Variants in DPP10 observed in about 807,000 individuals in gnomAD.
DPP10 encodes inactive dipeptidyl peptidase 10.
DPP10 carries 33 observed loss-of-function variants against 120.9 expected under a neutral mutation model. That is an observed-to-expected ratio of 0.27 (90% CI 0.21 to 0.37). The LOEUF is 0.37. Among genes scored for constraint, DPP10 ranks in the 10% least tolerant of loss-of-function variants. The pLI is 1.00. For synonymous variants in DPP10, 337 were observed against 326.1 expected, an observed-to-expected ratio of 1.03 and a Z score of -0.36; for missense variants, 816 against 942.8, an observed-to-expected ratio of 0.87 and a Z score of 1.76.
intron 5 of DPP10, among the ~76,000 whole-genome samples, chr2:115,687,059 A>G (rs1259419672): frequency 6.6e-6 from 1 of 152,112 alleles, no homozygotes; most frequent in East Asian, 1.9e-4. Context: ...ATGTTAAAAA[A>G]GAGTAGAAAT....
chr2:114,779,945 G>T (rs1311670642), intron 1 of DPP10, among the ~76,000 whole-genome samples: 1 of 152,056 alleles, frequency 6.6e-6, no homozygotes, highest in Admixed American at 6.5e-5. Context: ...GACCATCCTG[G>T]CTAACATGGT....
intron 1 of DPP10, among the ~76,000 whole-genome samples, chr2:114,555,887 T>A (rs999567805): frequency 6.6e-6 from 1 of 152,022 alleles, no homozygotes; most frequent in African/African-American, 2.4e-5. Context: ...GAACATAGTA[T>A]CCTCAAGGCA....
At position 114,997,217 on chromosome 2, in the gene DPP10, C is replaced by T. The variant is rs529695510; in HGVS notation, c.61-312022C>T. On this transcript the variant is annotated intron_variant, in intron 1 of 25. Coordinates refer to ENST00000410059, the MANE Select transcript of DPP10 (RefSeq NM_020868.6). ...GATACCAACTGTCTTGAATAAAAGT[C>T]ATAGATGCACGCCTGTAATTCCAGG... is the stretch of plus-strand genomic sequence containing the variant. 9.9e-5 allele frequency among the ~76,000 whole-genome samples: 15 copies of T among 150,884 alleles called. No individual in the cohort carries two copies. The South Asian group carries it at 2.9e-3, about 30-fold the overall frequency.
intron 1 of DPP10, among the ~76,000 whole-genome samples, chr2:114,458,705 G>A (rs1174771910): frequency 6.6e-6 from 1 of 151,950 alleles, no homozygotes; most frequent in Non-Finnish European, 1.5e-5. Context: ...TACAGTTATA[G>A]CAATTAAATG....
At chr2:114,745,342 T>TG (rs1558695581) in intron 1 of DPP10, among the ~76,000 whole-genome samples, 1 of 152,160 alleles carries the variant, frequency 6.6e-6, no homozygotes, top group Non-Finnish European at 1.5e-5. Context: ...CACAAACATA[T>TG]GCAAACAATA....
At position 114,914,065 on chromosome 2, in the gene DPP10, A is replaced by G. The variant is rs188298244; in HGVS notation, c.61-395174A>G. Among the ~76,000 whole-genome samples the G allele has an allele frequency of 1.1e-4, 16 of 152,358 alleles. No homozygotes were observed. In the East Asian group the frequency reaches 3.1e-3, roughly 29 times the overall value. ...AAAATGAACAAAACCTCTGGGAAAT[A>G]TGGGATTATGTAAAGAGACCAAATC... is the stretch of plus-strand genomic sequence containing the variant. On this transcript the variant is annotated intron_variant, in intron 1 of 25. Coordinates refer to ENST00000410059, the MANE Select transcript of DPP10 (RefSeq NM_020868.6).
At chr2:114,621,877 G>A (rs1361161745) in intron 1 of DPP10, among the ~76,000 whole-genome samples, 1 of 151,714 alleles carries the variant, frequency 6.6e-6, no homozygotes, top group African/African-American at 2.4e-5. Flanking sequence ...AGCTGGTCCA[G>A]GGATGCAAAG....
chr2:115,113,310 CTA>C (rs1245721396), intron 1 of DPP10, among the ~76,000 whole-genome samples: 6 of 151,664 alleles, frequency 4.0e-5, no homozygotes, highest in Admixed American at 2.0e-4. Context: ...TTAAATGTGT[CTA>C]TATGTGCTTT....
intron 4 of DPP10, among the ~76,000 whole-genome samples, chr2:115,508,320 C>T (rs1265844545): frequency 6.6e-6 from 1 of 152,058 alleles, no homozygotes; most frequent in African/African-American, 2.4e-5. Flanking sequence ...ACTACAACTA[C>T]AGCTGAAGAT....
chr2:114,942,172 C>G (rs1327422739), intron 1 of DPP10, among the ~76,000 whole-genome samples: 12 of 150,254 alleles, frequency 8.0e-5, no homozygotes, highest in Non-Finnish European at 4.4e-5. Flanking sequence ...ACTCGGGAGA[C>G]TAAAGCAGGA....
intron 3 of DPP10, among the ~76,000 whole-genome samples, chr2:115,444,766 A>G (rs922998279): frequency 2.6e-5 from 4 of 152,224 alleles, no homozygotes; most frequent in African/African-American, 4.8e-5. Context: ...TAGGTTTGCA[A>G]ACATATGTAC....
At chr2:115,363,666 G>A (rs1217251196) in intron 3 of DPP10, among the ~76,000 whole-genome samples, 1 of 152,170 alleles carries the variant, frequency 6.6e-6, no homozygotes, top group Non-Finnish European at 1.5e-5. Flanking sequence ...AGCATCACAG[G>A]CCTATGCTTT....
intron 1 of DPP10, among the ~76,000 whole-genome samples, chr2:114,896,655 T>C (rs1343567717): frequency 1.3e-5 from 2 of 152,244 alleles, no homozygotes; most frequent in Admixed American, 1.3e-4. Flanking sequence ...TGGGGTTTTC[T>C]AGATATACAA....
intron 1 of DPP10, among the ~76,000 whole-genome samples, chr2:114,982,222 T>C (rs556229300): frequency 3.3e-5 from 5 of 152,248 alleles, no homozygotes; most frequent in African/African-American, 7.2e-5. Context: ...GGAGATAATA[T>C]GTAAATTTAA....
intron 1 of DPP10, among the ~76,000 whole-genome samples, chr2:115,216,863 G>C (rs544334617): frequency 9.1e-4 from 137 of 151,272 alleles, no homozygotes; most frequent in Non-Finnish European, 1.6e-3. Context: ...ATGTGTATTT[G>C]GACATAGACA....
intron 5 of DPP10, among the ~76,000 whole-genome samples, chr2:115,577,247 A>C (rs768816156): frequency 2.6e-5 from 4 of 152,176 alleles, no homozygotes; most frequent in Non-Finnish European, 5.9e-5. Flanking sequence ...CTTCCTGCCT[A>C]GGGTTCCGTA....
At chr2:115,078,151 A>G (rs909136145) in intron 1 of DPP10, among the ~76,000 whole-genome samples, 1 of 152,254 alleles carries the variant, frequency 6.6e-6, no homozygotes, top group Admixed American at 6.5e-5. Context: ...TAAGGCAAAT[A>G]TGAAGGTAAC....
intron 1 of DPP10, among the ~76,000 whole-genome samples, chr2:114,885,666 C>T (rs1295146593): frequency 3.3e-5 from 5 of 152,082 alleles, no homozygotes; most frequent in Non-Finnish European, 7.3e-5. Context: ...TTGTTCATTA[C>T]TAATACCCTA....
At chr2:114,577,064 A>T (rs1690113389) in intron 1 of DPP10, among the ~76,000 whole-genome samples, 1 of 152,168 alleles carries the variant, frequency 6.6e-6, no homozygotes, top group Non-Finnish European at 1.5e-5. Flanking sequence ...GAGGAAAGAG[A>T]CAGAGAACAA....
Sources: allele counts gnomAD v4.1 joint callset (sites outside exome capture counted in the v4.1 genomes callset), GRCh38; gene constraint gnomAD v4.1.1; transcripts MANE v1.5; gene names NCBI Gene and HGNC (gene_info 2026-07-23, HGNC 2026-07-21).